The following KCTD2 variants were observed in gnomAD, a reference collection of about 807,000 sequenced individuals.
The protein encoded by KCTD2 is BTB/POZ domain-containing protein KCTD2.
Under a neutral mutation model 27.9 loss-of-function variants are expected in KCTD2, and 18 were observed. The observed-to-expected ratio is 0.64, with a 90% CI of 0.45 to 0.96. The LOEUF is 0.96. Ranked by LOEUF, KCTD2 falls within the 40% of genes least tolerant of loss-of-function variation. The probability of loss-of-function intolerance (pLI) is 0.00; values close to 1 mark genes in which losing one functional copy is unlikely to be tolerated. For missense variants in KCTD2, 280 were observed against 348.0 expected (o/e 0.80, Z 1.56); for synonymous variants, 175 against 148.4 (o/e 1.18, Z -1.30).
At chr17:75,045,084 G>T (rs1446614745), upstream of KCTD2, among the ~76,000 whole-genome samples, 3 of 152,184 alleles carry the variant, frequency 2.0e-5, no homozygotes, top group African/African-American at 7.2e-5. Context: ...ACAAAAGAGA[G>T]AAATTTTAAA....
chr17:75,039,199 T>A (rs748293657), intron 3 of KCTD2: 2 of 1,613,966 alleles, frequency 1.2e-6, no homozygotes, highest in Non-Finnish European at 1.7e-6. Context: ...CGGCTACCCA[T>A]CATCCTTACC....
At chr17:75,056,175 C>T (rs1163668214) in intron 3 of KCTD2, among the ~76,000 whole-genome samples, 4 of 152,222 alleles carry the variant, frequency 2.6e-5, no homozygotes. Context: ...TTTCTTCCAT[C>T]TAGCTGACAG....
intron 3 of KCTD2, among the ~76,000 whole-genome samples, chr17:75,058,196 C>T (rs1446025742): frequency 1.3e-5 from 2 of 151,946 alleles, no homozygotes; most frequent in African/African-American, 4.8e-5. Flanking sequence ...TGGTGGTGGG[C>T]GGCTGTAATC....
chr17:75,060,487 G>A (rs2073393302), intron 4 of KCTD2: 4 of 1,612,032 alleles, frequency 2.5e-6, no homozygotes, highest in East Asian at 4.5e-5. Context: ...ACCAGGGTTG[G>A]AACTAACCAG....
chr17:75,052,851 A>ATG (rs1344429862), intron 2 of KCTD2, among the ~76,000 whole-genome samples, 163 bp from the exon 3 acceptor site: 20 of 152,168 alleles, frequency 1.3e-4, no homozygotes, highest in African/African-American at 4.8e-4. Flanking sequence ...CCAAGATCGC[A>ATG]CCACTGAACT....
chr17:75,047,794 C>G (rs1158537669), intron 1 of KCTD2, among the ~76,000 whole-genome samples: 1 of 152,068 alleles, frequency 6.6e-6, no homozygotes, highest in Non-Finnish European at 1.5e-5. Flanking sequence ...CTCTGGCTTT[C>G]TCCCCGACCC....
chr17:75,061,056 A>G (rs147947086), intron 4 of KCTD2, among the ~76,000 whole-genome samples: 21 of 152,304 alleles, frequency 1.4e-4, no homozygotes, highest in African/African-American at 5.1e-4. Flanking sequence ...TAAGCAAAGG[A>G]TTTTTTTAAT....
At position 75,060,017 on chromosome 17, in the gene KCTD2, G is replaced by A. The variant is rs540027903; in HGVS notation, c.636+412G>A. On this transcript the variant is annotated intron_variant, in intron 4 of 5. Coordinates refer to ENST00000322444, the MANE Select transcript of KCTD2 (RefSeq NM_015353.3). ...TGTCTTATGTAATCCACCGTGAAGA[G>A]CTTGGTGAACAGCTGTGCTAGGAAG... Among the ~76,000 whole-genome samples the A allele has an allele frequency of 2.6e-5, 4 of 152,126 alleles. No homozygotes were observed. In the East Asian group the frequency reaches 7.7e-4, roughly 29 times the overall value.
At chr17:75,035,938 C>T (rs375086864) in intron 3 of KCTD2, 46 of 396,252 alleles carry the variant, frequency 1.2e-4, no homozygotes, top group African/African-American at 8.3e-4. Context: ...GGGCTCTGTC[C>T]ACACTCACAC....
chr17:75,062,678 C>G (rs963901973), intron 5 of KCTD2, among the ~76,000 whole-genome samples: 3 of 144,342 alleles, frequency 2.1e-5, no homozygotes, highest in Non-Finnish European at 3.1e-5. Context: ...TTTCCCTCCA[C>G]TGTGCACCCC....
intron 4 of KCTD2, chr17:75,060,579 A>G (rs1213203901): frequency 9.3e-6 from 15 of 1,611,132 alleles, no homozygotes; most frequent in Non-Finnish European, 1.3e-5. Flanking sequence ...GGCAAAGAGC[A>G]GCTGGCCGGC....
At position 75,053,111 on chromosome 17, in the gene KCTD2, G is replaced by A. The variant is rs765606418; in HGVS notation, c.540+6G>A. On this transcript the variant is annotated splice_donor_region_variant and intron_variant, in intron 3 of 5. Transcript: ENST00000322444. ...ATGAGAACAGAACTTCACAAGTAAT[G>A]TATTTGGAACTGTTAAGGAGGGTTG... is the stretch of plus-strand genomic sequence containing the variant. The A allele has an allele frequency of 3.7e-6, 6 of 1,609,198 alleles. No homozygotes were observed. Among genetic ancestry groups the A allele is most frequent in the Admixed American group, 1.7e-5 (1 of 59,964 alleles).
Position 75,059,738 on chromosome 17 carries a change from T to C in KCTD2, c.636+133T>C, listed in dbSNP as rs2073384995. 4 of 660,334 alleles carry C rather than the reference T, an allele frequency of 6.1e-6. No individual in the cohort carries two copies. In the African/African-American group the frequency reaches 7.2e-5, roughly 12 times the overall value. 40.9% of individuals were successfully genotyped at this position (660,334 alleles called of 1,614,324 possible). A position where few individuals can be genotyped will look rare whatever the true frequency, so the allele number is the denominator to read the frequency against. On this transcript the variant is annotated intron_variant, in intron 4 of 5. Coordinates refer to ENST00000322444, the MANE Select transcript of KCTD2 (RefSeq NM_015353.3). ...CCAGGTGGGATCCTATTCCAAAACA[T>C]GGGCAAAGAGCCATTTGGTGGGCAC...
intron 1 of KCTD2, 100 bp from the exon 2 acceptor site, chr17:75,049,119 TG>T: frequency 1.5e-6 from 1 of 669,536 alleles, no homozygotes; most frequent in Non-Finnish European, 2.5e-6. Context: ...TGGAATGAAT[TG>T]TTGTCTTGGG....
chr17:75,039,465 G>A, intron 3 of KCTD2: 1 of 567,536 alleles, frequency 1.8e-6, no homozygotes, highest in Non-Finnish European at 3.1e-6. Flanking sequence ...AAGCCCATAT[G>A]GAAAACCAGC....
At position 75,033,843 on chromosome 17, in the gene KCTD2, C is replaced by T. The variant is rs73995734; in HGVS notation, c.-469-190C>T. Among the ~76,000 whole-genome samples, 862 of 152,342 alleles carry T rather than the reference C, an allele frequency of 5.7e-3. 7 individuals are homozygous for T. Among genetic ancestry groups the T allele is most frequent in the African/African-American group, 0.02 (821 of 41,582 alleles). ...TCCATGGATCGCGCCTCTGTCAGGC[C>T]TTCTCTAGGAAAAGGGGACACTCGC... On this transcript the variant is annotated intron_variant, in intron 1 of 7. Coordinates refer to the KCTD2 transcript ENST00000581589.
chr17:75,054,840 C>G (rs2073333362), intron 3 of KCTD2, among the ~76,000 whole-genome samples: 1 of 151,568 alleles, frequency 6.6e-6, no homozygotes, highest in African/African-American at 2.4e-5. Context: ...TGAAGTATAG[C>G]CAGGAAAATA....
rs769297666 is a variant in KCTD2, at chr17:75,063,002, C to A, written c.763-16C>A. The A allele has an allele frequency of 5.0e-6, 8 of 1,613,918 alleles. No individual in the cohort carries two copies. In the Admixed American group the frequency reaches 8.3e-5, roughly 17 times the overall value. On this transcript the variant is annotated splice_polypyrimidine_tract_variant and intron_variant, in intron 5 of 5. Transcript: ENST00000322444. ...CCCTCAGCAGCCTCAGCCTCTCCCCCATCTCCAACTTTCAGATTCTTCAGG... is the reference window on the plus strand; with the variant it reads ...CCCTCAGCAGCCTCAGCCTCTCCCCAATCTCCAACTTTCAGATTCTTCAGG...
intron 2 of KCTD2, among the ~76,000 whole-genome samples, chr17:75,035,068 T>A (rs545158057): frequency 8.0e-4 from 122 of 152,072 alleles, no homozygotes; most frequent in Admixed American, 7.3e-3. Flanking sequence ...CCGGAGCGTT[T>A]AATGGCCATC....
Sources: gnomAD v4.1 joint callset for allele counts (sites outside exome capture counted in the v4.1 genomes callset) on GRCh38, gnomAD v4.1.1 for gene constraint, MANE v1.5 for transcripts, NCBI Gene and HGNC (gene_info 2026-07-23, HGNC 2026-07-21) for gene names.